The following ATP6V0A4 variants were observed in gnomAD, a reference collection of about 807,000 sequenced individuals.
ATP6V0A4 encodes ATPase H+ transporting V0 subunit a4, also known as V-type proton ATPase 116 kDa subunit a 4.
In ATP6V0A4, 86 loss-of-function variants were observed where a neutral mutation model predicts 107.3. The observed-to-expected ratio is 0.80, with a 90% CI of 0.67 to 0.96. The LOEUF is 0.96. ATP6V0A4 is among the 40% of genes least tolerant of loss of function. The probability of loss-of-function intolerance (pLI) is 0.00; values close to 1 mark genes in which losing one functional copy is unlikely to be tolerated. For synonymous variants in ATP6V0A4, 353 were observed against 381.4 expected (o/e 0.93, Z 0.87); for missense variants, 908 against 1,045.6 (o/e 0.87, Z 1.81).
At chr7:138,778,601 C>T (rs1807779249) in intron 2 of ATP6V0A4, among the ~76,000 whole-genome samples, 1 of 152,160 alleles carries the variant, frequency 6.6e-6, no homozygotes, top group South Asian at 2.1e-4. Flanking sequence ...AGAAAGCCTG[C>T]TCGCTCTAGC....
At chr7:138,728,646 C>T (rs1804834945) in intron 18 of ATP6V0A4, 115 bp downstream of exon 18, 1 of 1,444,138 alleles carries the variant, frequency 6.9e-7, no homozygotes, top group Non-Finnish European at 9.7e-7. Context: ...AGTTCCTCAA[C>T]ACCATTCTTC....
At chr7:138,766,717 G>A (rs915391053) in intron 5 of ATP6V0A4, among the ~76,000 whole-genome samples, 3 of 152,108 alleles carry the variant, frequency 2.0e-5, no homozygotes, top group Non-Finnish European at 2.9e-5. Flanking sequence ...GAAAATGTGT[G>A]TGCCTTGGCA....
At chr7:138,777,890 C>A (rs1807741610) in intron 2 of ATP6V0A4, among the ~76,000 whole-genome samples, 1 of 152,148 alleles carries the variant, frequency 6.6e-6, no homozygotes, top group Non-Finnish European at 1.5e-5. Flanking sequence ...TATCCCTAAT[C>A]TGAAAATTCA....
At chr7:138,710,498 T>A (rs1455720254) in intron 20 of ATP6V0A4, among the ~76,000 whole-genome samples, 1 of 152,220 alleles carries the variant, frequency 6.6e-6, no homozygotes, top group Non-Finnish European at 1.5e-5. Flanking sequence ...CACAGCCTCT[T>A]CTTTGACCAG....
At chr7:138,797,513 A>C (rs1808740550) in intron 1 of ATP6V0A4, among the ~76,000 whole-genome samples, 1 of 151,698 alleles carries the variant, frequency 6.6e-6, no homozygotes, top group Non-Finnish European at 1.5e-5. Context: ...CCCCATGCCC[A>C]ACCTCAAATG....
At chr7:138,712,231 A>G (rs10954625) in intron 20 of ATP6V0A4, among the ~76,000 whole-genome samples, 86,058 of 151,852 alleles carry the variant, frequency 0.57, 25,577 homozygotes, top group African/African-American at 0.76. Flanking sequence ...CACCACGCCC[A>G]GCCCCACTTT....
chr7:138,725,205 A>G (rs1381714534), intron 18 of ATP6V0A4, among the ~76,000 whole-genome samples: 3 of 152,154 alleles, frequency 2.0e-5, no homozygotes, highest in Non-Finnish European at 2.9e-5. Flanking sequence ...CCAGGAGGTG[A>G]GTCAGCTATG....
chr7:138,707,261 A>G (rs1297510436), intron 21 of ATP6V0A4, among the ~76,000 whole-genome samples: 4 of 83,988 alleles, frequency 4.8e-5, no homozygotes, highest in Non-Finnish European at 8.4e-5. Flanking sequence ...TAGAATATAT[A>G]TTATATTATA....
rs897746910 is a variant in ATP6V0A4, at chr7:138,796,095, G to T, written c.-121+1939C>A. ...TCAGTCCTGCCCTGTGAAGCCCACTGCAGGGTTTACTTGTGAGGAAAACAT... is the reference window on the plus strand; with the variant it reads ...TCAGTCCTGCCCTGTGAAGCCCACTTCAGGGTTTACTTGTGAGGAAAACAT... On this transcript the variant is annotated intron_variant, in intron 1 of 21. Coordinates refer to ENST00000310018, the MANE Select transcript of ATP6V0A4 (RefSeq NM_020632.3). Among the ~76,000 whole-genome samples the T allele has an allele frequency of 1.3e-5, 2 of 152,118 alleles. 1 individual carries two copies. The highest frequency in any genetic ancestry group is 2.9e-5 in the Non-Finnish European group (2 of 68,036).
At chr7:138,743,056 C>G (rs1050189782) in intron 14 of ATP6V0A4, among the ~76,000 whole-genome samples, 6 of 152,180 alleles carry the variant, frequency 3.9e-5, no homozygotes, top group Non-Finnish European at 8.8e-5. Flanking sequence ...CAAGAAGAGA[C>G]TGCGTTAGAA....
At chr7:138,706,838 G>C (rs904332656) in intron 21 of ATP6V0A4, 121 bp from the exon 22 acceptor site, 48 of 1,518,090 alleles carry the variant, frequency 3.2e-5, no homozygotes, top group Non-Finnish European at 4.2e-5. Context: ...AAGTCAGAAG[G>C]GTTGGCCACG....
chr7:138,798,135 AC>A lies in ATP6V0A4; in HGVS notation c.-223del, dbSNP rs1299446128. On this transcript the variant is annotated 5_prime_UTR_variant, in exon 1 of 22. Coordinates refer to ENST00000310018, the MANE Select transcript of ATP6V0A4 (RefSeq NM_020632.3). The stretch of plus-strand genomic sequence containing the variant: ...GCGCCTCCCCGCTGCCACCCGGGCC[AC>A]CCTGATCCTCAGCCTGGCCTTTGCC... The A allele has an allele frequency of 6.2e-7, 1 of 1,601,330 alleles. No individual in the cohort carries two copies. Among genetic ancestry groups the A allele is most frequent in the African/African-American group, 1.3e-5 (1 of 74,646 alleles).
chr7:138,706,492 A>G lies in ATP6V0A4; in HGVS notation c.*132T>C. ...AAATCCACAGGCTGACGTCCAAATA[A>G]TACACAGTTTCATGCTTCAGGTGAG... On this transcript the variant is annotated 3_prime_UTR_variant, in exon 22 of 22. Transcript: ENST00000310018. 1 of 1,127,390 alleles carries G rather than the reference A, an allele frequency of 8.9e-7. No homozygotes were observed. Among genetic ancestry groups the G allele is most frequent in the Non-Finnish European group, 1.3e-6 (1 of 773,576 alleles). 69.8% of individuals were successfully genotyped at this position (1,127,390 alleles called of 1,614,324 possible). A position where few individuals can be genotyped will look rare whatever the true frequency, so the allele number is the denominator to read the frequency against.
At chr7:138,780,775 G>A (rs7802548) in intron 2 of ATP6V0A4, among the ~76,000 whole-genome samples, 38,728 of 151,986 alleles carry the variant, frequency 0.25, 5,202 homozygotes, top group African/African-American at 0.32. Flanking sequence ...GCGTGGTGGT[G>A]CATGCCTGTG....
chr7:138,756,630 C>T, intron 8 of ATP6V0A4, 90 bp from the exon 9 acceptor site: 1 of 1,485,468 alleles, frequency 6.7e-7, no homozygotes, highest in South Asian at 1.2e-5. Context: ...TGTTTTTAGG[C>T]TTACACAATT....
At chr7:138,731,334 G>A (rs757768582) in intron 17 of ATP6V0A4, among the ~76,000 whole-genome samples, 15 of 152,270 alleles carry the variant, frequency 9.9e-5, no homozygotes, top group South Asian at 6.2e-4. Flanking sequence ...CATTAACTAC[G>A]ACATCTGATG....
intron 1 of ATP6V0A4, among the ~76,000 whole-genome samples, chr7:138,791,737 G>A (rs1808420805): frequency 6.6e-6 from 1 of 152,078 alleles, no homozygotes; most frequent in Non-Finnish European, 1.5e-5. Flanking sequence ...TGATTTCCAA[G>A]AATGAAGGAA....
intron 8 of ATP6V0A4, 99 bp from the exon 9 acceptor site, chr7:138,756,639 T>C (rs1806530597): frequency 3.5e-6 from 5 of 1,449,050 alleles, no homozygotes; most frequent in Non-Finnish European, 4.7e-6. Context: ...GCTTACACAA[T>C]TCATACATTT....
At chr7:138,791,141 GA>G (rs901498959) in intron 1 of ATP6V0A4, among the ~76,000 whole-genome samples, 22 of 149,252 alleles carry the variant, frequency 1.5e-4, no homozygotes, top group African/African-American at 2.2e-4. Flanking sequence ...TAGTTTGGCA[GA>G]AAAAAAAATA....
Sources: allele counts gnomAD v4.1 joint callset (sites outside exome capture counted in the v4.1 genomes callset), GRCh38; gene constraint gnomAD v4.1.1; transcripts MANE v1.5; gene names NCBI Gene and HGNC (gene_info 2026-07-23, HGNC 2026-07-21).